CRPPA: variants seen among roughly 807,000 people sequenced by gnomAD.
CRPPA encodes CDP-L-ribitol pyrophosphorylase A.
In CRPPA, 43 loss-of-function variants were observed where a neutral mutation model predicts 52.0. The ratio of observed to expected loss-of-function variants is 0.83; its 90% CI spans 0.65 to 1.07. The LOEUF is 1.07. Ranked by LOEUF, CRPPA falls within the 50% of genes least tolerant of loss-of-function variation. The pLI, the probability that CRPPA is intolerant of heterozygous loss-of-function variation, is 0.00. For missense variants in CRPPA, 629 were observed against 551.7 expected, an observed-to-expected ratio of 1.14 and a Z score of -1.40; for synonymous variants, 250 against 203.5, an observed-to-expected ratio of 1.23 and a Z score of -1.94.
At chr7:16,407,829 G>A (rs1453732345) in intron 1 of CRPPA, among the ~76,000 whole-genome samples, 7 of 152,068 alleles carry the variant, frequency 4.6e-5, no homozygotes, top group Admixed American at 2.0e-4. Context: ...AGCATCGGCC[G>A]GGCATGGTGG....
At chr7:16,159,837 T>G (rs1417518137) in intron 9 of CRPPA, among the ~76,000 whole-genome samples, 1 of 152,158 alleles carries the variant, frequency 6.6e-6, no homozygotes, top group African/African-American at 2.4e-5. Context: ...AGTGTAAAAG[T>G]GTTCCTATTT....
At chr7:16,144,590 G>A (rs566496770) in intron 9 of CRPPA, among the ~76,000 whole-genome samples, 111 of 152,338 alleles carry the variant, frequency 7.3e-4, no homozygotes, top group African/African-American at 2.6e-3. Flanking sequence ...TATCTAAATA[G>A]CTTGTTTACT....
intron 3 of CRPPA, among the ~76,000 whole-genome samples, chr7:16,337,926 A>C (rs564369903): frequency 6.6e-6 from 1 of 152,254 alleles, no homozygotes; most frequent in East Asian, 1.9e-4. Context: ...TTAGAGGAAA[A>C]CTAATACCAA....
chr7:16,327,175 G>A (rs939789459), intron 3 of CRPPA, among the ~76,000 whole-genome samples: 4 of 152,224 alleles, frequency 2.6e-5, no homozygotes, highest in African/African-American at 4.8e-5. Flanking sequence ...CAAGAATGGA[G>A]ATATCTTCAA....
At chr7:16,122,998 A>G (rs537804388) in intron 9 of CRPPA, among the ~76,000 whole-genome samples, 2 of 152,166 alleles carry the variant, frequency 1.3e-5, no homozygotes, top group Admixed American at 1.3e-4. Context: ...GAAGCAAAAT[A>G]GATTTGTTTA....
intron 9 of CRPPA, among the ~76,000 whole-genome samples, chr7:16,182,654 T>G (rs78184171): frequency 6.6e-6 from 1 of 152,210 alleles, no homozygotes; most frequent in East Asian, 1.9e-4. Flanking sequence ...CCCAAATAAC[T>G]GTATTTGTTT....
Position 16,221,295 on chromosome 7 carries a change from C to T in CRPPA, c.1120-5098G>A, listed in dbSNP as rs1336318863. 1.3e-5 allele frequency among the ~76,000 whole-genome samples: 2 copies of T among 152,104 alleles called. 1 individual carries two copies. The highest frequency in any genetic ancestry group is 2.9e-5 in the Non-Finnish European group (2 of 68,020). The stretch of plus-strand genomic sequence containing the variant: ...CTTACACCTTATACAAAAATCAATT[C>T]AAGATGGATTAAAGACTTAAACGTT... On this transcript the variant is annotated intron_variant, in intron 8 of 9. Transcript: ENST00000407010.
At chr7:16,382,702 T>A (rs1400006586) in intron 2 of CRPPA, among the ~76,000 whole-genome samples, 3 of 152,040 alleles carry the variant, frequency 2.0e-5, no homozygotes, top group Non-Finnish European at 4.4e-5. Context: ...TTTTTATTCT[T>A]TTTTCTCTAA....
At chr7:16,278,253 G>C (rs758076716) in intron 5 of CRPPA, 27 bp from the exon 6 acceptor site, 1 of 1,205,652 alleles carries the variant, frequency 8.3e-7, no homozygotes, top group Admixed American at 2.3e-5. Flanking sequence ...AAAGTTTTAA[G>C]TTTCAAACAA....
intron 1 of CRPPA, among the ~76,000 whole-genome samples, chr7:16,408,133 CTT>C (rs1787999583): frequency 6.9e-6 from 1 of 144,312 alleles, no homozygotes; most frequent in Admixed American, 7.0e-5. Context: ...AAAAAAATAA[CTT>C]ATCAGCATCG....
At chr7:16,135,289 T>C (rs1428092426) in intron 9 of CRPPA, among the ~76,000 whole-genome samples, 1 of 152,210 alleles carries the variant, frequency 6.6e-6, no homozygotes. Flanking sequence ...TGTTAACATA[T>C]ACCTTTTTGA....
At chr7:16,272,252 A>G (rs935669937) in intron 6 of CRPPA, among the ~76,000 whole-genome samples, 4 of 152,150 alleles carry the variant, frequency 2.6e-5, no homozygotes, top group Admixed American at 6.5e-5. Context: ...CCTCTCCCCA[A>G]GTTAGCTCTT....
At chr7:16,387,125 GCTCACTTTTCAT>G (rs1787309896) in intron 2 of CRPPA, among the ~76,000 whole-genome samples, 1 of 123,400 alleles carries the variant, frequency 8.1e-6, no homozygotes, top group Admixed American at 8.5e-5. Context: ...ACACACACTT[GCTCACTTTTCAT>G]CTTCTATAGA....
chr7:16,303,235 A>T (rs374025594), intron 4 of CRPPA, among the ~76,000 whole-genome samples: 47 of 152,212 alleles, frequency 3.1e-4, no homozygotes, highest in African/African-American at 1.1e-3. Flanking sequence ...CTGGATAGTA[A>T]GGTATAGTTT....
intron 9 of CRPPA, among the ~76,000 whole-genome samples, chr7:16,156,903 T>A (rs976284668): frequency 6.6e-6 from 1 of 152,134 alleles, no homozygotes; most frequent in Non-Finnish European, 1.5e-5. Flanking sequence ...CCCAGGAAAT[T>A]TTTGATTCAA....
chr7:16,400,772 A>T (rs143599349), intron 2 of CRPPA, among the ~76,000 whole-genome samples: 141 of 152,348 alleles, frequency 9.3e-4, no homozygotes, highest in African/African-American at 3.2e-3. Flanking sequence ...GTGATGGAAG[A>T]CGTGGACACA....
At chr7:16,262,050 A>G (rs887019353) in intron 6 of CRPPA, 10 of 152,030 alleles carry the variant, frequency 6.6e-5, no homozygotes, top group African/African-American at 2.4e-4. Context: ...TTGCATCTTG[A>G]TGTCTTCCTG....
Position 16,253,146 on chromosome 7 carries a change from GC to G in CRPPA, c.1119+5243del, listed in dbSNP as rs1197556914. ...CTTAATTATTTCTTGCCTTCTGCTA[GC>G]TTTTGAATGTGTTTGCTCAAGCTTC... On this transcript the variant is annotated intron_variant, in intron 8 of 9. Transcript: ENST00000407010. Among the ~76,000 whole-genome samples the G allele has an allele frequency of 1.1e-4, 16 of 152,218 alleles. No individual in the cohort carries two copies. In the East Asian group the frequency reaches 2.7e-3, roughly 26 times the overall value.
chr7:16,310,606 C>T (rs1382770573), intron 3 of CRPPA, among the ~76,000 whole-genome samples: 1 of 151,948 alleles, frequency 6.6e-6, no homozygotes, highest in South Asian at 2.1e-4. Context: ...AGGAAAGAGT[C>T]GTGTGACTCA....
Sources: gnomAD v4.1 joint callset for allele counts (sites outside exome capture counted in the v4.1 genomes callset) on GRCh38, gnomAD v4.1.1 for gene constraint, MANE v1.5 for transcripts, NCBI Gene and HGNC (gene_info 2026-07-23, HGNC 2026-07-21) for gene names.